The following SRBD1 variants were observed in gnomAD, a reference collection of about 807,000 sequenced individuals.
SRBD1 encodes the protein S1 RNA binding domain 1, also known as S1 RNA-binding domain-containing protein 1.
In SRBD1, 88 loss-of-function variants were observed where a neutral mutation model predicts 115.3. The observed-to-expected ratio is 0.76, with a 90% CI of 0.64 to 0.91. The LOEUF (loss-of-function observed/expected upper bound fraction) is 0.91. Among genes scored for constraint, SRBD1 ranks in the 40% least tolerant of loss-of-function variants. The probability of loss-of-function intolerance (pLI) is 0.00; values close to 1 mark genes in which losing one functional copy is unlikely to be tolerated. For missense variants in SRBD1, 1,385 were observed against 1,177.4 expected (o/e 1.18, Z -2.58); for synonymous variants, 509 against 407.7 (o/e 1.25, Z -2.99).
At position 45,389,158 on chromosome 2, in the gene SRBD1, G is replaced by T. The variant is rs1435697511; in HGVS notation, c.*152C>A. 2 of 930,148 alleles carry T rather than the reference G, an allele frequency of 2.2e-6. No homozygotes were observed. The highest frequency in any genetic ancestry group is 3.1e-6 in the Non-Finnish European group (2 of 635,994). The allele number at this position is 930,148 out of a possible 1,614,324, so 57.6% of individuals were successfully genotyped here. A position where few individuals can be genotyped will look rare whatever the true frequency, so the allele number is the denominator to read the frequency against. On this transcript the variant is annotated 3_prime_UTR_variant, in exon 21 of 21. Coordinates refer to ENST00000263736, the MANE Select transcript of SRBD1 (RefSeq NM_018079.5). ...AAACTGTTGGTTTTCTATTTATTCA[G>T]AAGAAAAAATAAAGGAAAGTGTTTG...
At chr2:45,401,538 T>C (rs1260044993) in intron 19 of SRBD1, among the ~76,000 whole-genome samples, 2 of 152,224 alleles carry the variant, frequency 1.3e-5, no homozygotes, top group Non-Finnish European at 2.9e-5. Flanking sequence ...TCGGGCTTTT[T>C]CAAATTTGCA....
intron 4 of SRBD1, among the ~76,000 whole-genome samples, chr2:45,598,478 G>A (rs1445788000): frequency 6.6e-6 from 1 of 152,070 alleles, no homozygotes; most frequent in Admixed American, 6.5e-5. Context: ...GCCGGGCGTG[G>A]TGGCAGGTGC....
intron 14 of SRBD1, among the ~76,000 whole-genome samples, chr2:45,496,523 T>A (rs1448811807): frequency 6.6e-6 from 1 of 152,196 alleles, no homozygotes; most frequent in African/African-American, 2.4e-5. Flanking sequence ...CGATATACTT[T>A]GCCGGCAACA....
At chr2:45,420,963 C>G (rs902463477) in intron 16 of SRBD1, among the ~76,000 whole-genome samples, 1 of 152,160 alleles carries the variant, frequency 6.6e-6, no homozygotes, top group Non-Finnish European at 1.5e-5. Flanking sequence ...GTAGCACTAT[C>G]TGAATCTTAA....
At chr2:45,580,673 C>CTCCTT in intron 6 of SRBD1, among the ~76,000 whole-genome samples, 1 of 108,118 alleles carries the variant, frequency 9.2e-6, no homozygotes, top group Admixed American at 1.0e-4. Flanking sequence ...AATTCTTCTA[C>CTCCTT]TTCTTTTTTT....
At chr2:45,507,963 A>G (rs757272045) in intron 14 of SRBD1, among the ~76,000 whole-genome samples, 15 of 152,114 alleles carry the variant, frequency 9.9e-5, no homozygotes, top group Non-Finnish European at 1.8e-4. Context: ...AATGAACATA[A>G]CCTGGTCTAA....
intron 19 of SRBD1, among the ~76,000 whole-genome samples, chr2:45,412,474 G>C (rs1039622461): frequency 6.6e-6 from 1 of 151,854 alleles, no homozygotes; most frequent in Admixed American, 6.6e-5. Context: ...TTCAATAAAA[G>C]TTAAAATATT....
At chr2:45,608,771 C>A (rs796614001) in intron 1 of SRBD1, among the ~76,000 whole-genome samples, 18 of 152,086 alleles carry the variant, frequency 1.2e-4, no homozygotes, top group African/African-American at 4.3e-4. Context: ...TCCTTCCCAT[C>A]TCAATAAGTG....
In SRBD1 at chr2:45,442,140, C is replaced by G. The variant is rs531841321; in HGVS notation, c.2050-22246G>C. On this transcript the variant is annotated intron_variant, in intron 16 of 20. Transcript: ENST00000263736. ...AGCTGGGAGATTTAGAACCGGTATG[C>G]AAAGACACACTAGGAAGTCCTGACA... Among the ~76,000 whole-genome samples, 78 of 152,258 alleles carry G rather than the reference C, an allele frequency of 5.1e-4. 2 individuals are homozygous for G. The South Asian group carries it at 0.014, about 28-fold the overall frequency.
At chr2:45,434,710 C>T (rs1156413870) in intron 16 of SRBD1, among the ~76,000 whole-genome samples, 1 of 152,052 alleles carries the variant, frequency 6.6e-6, no homozygotes, top group African/African-American at 2.4e-5. Flanking sequence ...TTTATGTCAG[C>T]AAGATCTGAA....
chr2:45,602,508 A>G (rs1350610063), intron 2 of SRBD1, among the ~76,000 whole-genome samples: 1 of 152,230 alleles, frequency 6.6e-6, no homozygotes, highest in Non-Finnish European at 1.5e-5. Context: ...AAGTTATTCA[A>G]ATCAATGAAA....
intron 19 of SRBD1, among the ~76,000 whole-genome samples, chr2:45,401,858 A>C (rs1471732655): frequency 6.6e-6 from 1 of 152,200 alleles, no homozygotes; most frequent in Non-Finnish European, 1.5e-5. Flanking sequence ...TTTTAAATAA[A>C]ACCAATGTAA....
intron 14 of SRBD1, among the ~76,000 whole-genome samples, chr2:45,526,226 T>A (rs1671437471): frequency 6.6e-6 from 1 of 152,004 alleles, no homozygotes; most frequent in Non-Finnish European, 1.5e-5. Flanking sequence ...AATAAATGGA[T>A]AAACAAAATG....
chr2:45,538,912 T>TA (rs1410699248), intron 14 of SRBD1, among the ~76,000 whole-genome samples: 7 of 151,164 alleles, frequency 4.6e-5, no homozygotes, highest in African/African-American at 1.2e-4. Context: ...AAGCATCCTT[T>TA]AAAAAAAAAG....
chr2:45,408,817 G>T (rs1386868630), intron 19 of SRBD1, among the ~76,000 whole-genome samples: 1 of 151,444 alleles, frequency 6.6e-6, no homozygotes, highest in African/African-American at 2.4e-5. Context: ...TAATGAGAGG[G>T]GTATGCAGAA....
At chr2:45,604,060 C>T (rs2104259933) in intron 2 of SRBD1, among the ~76,000 whole-genome samples, 1 of 152,156 alleles carries the variant, frequency 6.6e-6, no homozygotes, top group South Asian at 2.1e-4. Context: ...TCCACTCTAC[C>T]TTCAAAATAT....
chr2:45,600,019 A>G (rs1674042912), intron 3 of SRBD1, among the ~76,000 whole-genome samples, 184 bp from the exon 4 acceptor site: 2 of 152,228 alleles, frequency 1.3e-5, no homozygotes, highest in Admixed American at 1.3e-4. Context: ...GAATACATTT[A>G]TATAACATTC....
At position 45,571,517 on chromosome 2, in the gene SRBD1, C is replaced by CAAAAAAAAAAAAAAAAAAAAAAAA. The variant is rs58100763; in HGVS notation, c.1305+1666_1305+1689dup. Among the ~76,000 whole-genome samples, 55 of 39,402 alleles carry CAAAAAAAAAAAAAAAAAAAAAAAA rather than the reference C, an allele frequency of 1.4e-3. 3 individuals carry two copies. Among genetic ancestry groups the CAAAAAAAAAAAAAAAAAAAAAAAA allele is most frequent in the East Asian group, 4.7e-3 (5 of 1,066 alleles). The allele number at this position is 39,402 out of a possible 152,430, so 25.8% of individuals were successfully genotyped here. A position where few individuals can be genotyped will look rare whatever the true frequency, so the allele number is the denominator to read the frequency against. On this transcript the variant is annotated intron_variant, in intron 9 of 20. Coordinates refer to ENST00000263736, the MANE Select transcript of SRBD1 (RefSeq NM_018079.5). Reference sequence around the variant, plus strand: ...AAAATACAACATATCCAGACTTTACCAAAAAAAAAAAAAAAAAAAAAAAAA... The same window carrying CAAAAAAAAAAAAAAAAAAAAAAAA: ...AAAATACAACATATCCAGACTTTACCAAAAAAAAAAAAAAAAAAAAAAAAAAAAAAAAAAAAAAAAAAAAAAAAA...
intron 15 of SRBD1, among the ~76,000 whole-genome samples, chr2:45,481,798 A>T (rs1422471979): frequency 6.6e-6 from 1 of 152,200 alleles, no homozygotes; most frequent in South Asian, 2.1e-4. Flanking sequence ...TGAAGTGCTG[A>T]TACATGCTAC....
Sources: gnomAD v4.1 joint callset for allele counts (sites outside exome capture counted in the v4.1 genomes callset) on GRCh38, gnomAD v4.1.1 for gene constraint, MANE v1.5 for transcripts, NCBI Gene and HGNC (gene_info 2026-07-23, HGNC 2026-07-21) for gene names.